Variants in CELF2 observed in about 807,000 individuals in gnomAD.
CELF2 encodes the protein CUGBP Elav-like family member 2, also known as CUG triplet repeat RNA-binding protein 2.
In CELF2, 8 loss-of-function variants were observed where a neutral mutation model predicts 62.6. The observed-to-expected ratio is 0.13, with a 90% CI of 0.07 to 0.23. The LOEUF (loss-of-function observed/expected upper bound fraction) is 0.23, where lower values mean the gene tolerates loss of function less well. Among genes scored for constraint, CELF2 ranks in the 10% least tolerant of loss-of-function variants. The pLI, the probability that CELF2 is intolerant of heterozygous loss-of-function variation, is 1.00. For missense variants in CELF2, 333 were observed against 671.0 expected (o/e 0.50, Z 5.56); for synonymous variants, 258 against 250.0 (o/e 1.03, Z -0.30).
chr10:10,827,479 A>C (rs1322441570), intron 1 of CELF2, among the ~76,000 whole-genome samples: 1 of 152,256 alleles, frequency 6.6e-6, no homozygotes, highest in Admixed American at 6.5e-5. Context: ...TGAAGAAAAA[A>C]GAGTTTAAAG....
At chr10:10,725,559 A>T in the CELF2 span, among the ~76,000 whole-genome samples, 3 of 152,200 alleles carry the variant, frequency 2.0e-5, no homozygotes, top group Admixed American at 6.5e-5. Context: ...TCTACCTTGG[A>T]TACAGCCTTC....
At chr10:10,468,305 C>G in the CELF2 span, among the ~76,000 whole-genome samples, 3 of 151,950 alleles carry the variant, frequency 2.0e-5, no homozygotes, top group Admixed American at 2.0e-4. Flanking sequence ...AAACTGTTGC[C>G]ATGACCTTTG....
At chr10:10,651,567 A>C in the CELF2 span, among the ~76,000 whole-genome samples, 1 of 135,530 alleles carries the variant, frequency 7.4e-6, no homozygotes, top group East Asian at 2.0e-4. Flanking sequence ...CTGACCCCTG[A>C]CCCCCGAGCA....
intron 1 of CELF2, among the ~76,000 whole-genome samples, chr10:10,912,272 C>T (rs7912669): frequency 0.053 from 8,124 of 152,206 alleles, 714 homozygotes; most frequent in African/African-American, 0.18. Context: ...CTTTCTACCC[C>T]GCTACCTTGC....
chr10:10,978,052 T>TC lies in CELF2; in HGVS notation c.89+58055dup, dbSNP rs2051581192. Among the ~76,000 whole-genome samples the TC allele has an allele frequency of 2.0e-5, 3 of 151,362 alleles. 1 individual carries two copies. The highest frequency in any genetic ancestry group is 2.0e-4 in the Admixed American group (3 of 15,194). Reference sequence around the variant, plus strand: ...TTTTTTTGTTTTTTGTTTTTTTTTTTCCAGAGAAAGATGGTTAACATTAGG... The same window carrying TC: ...TTTTTTTGTTTTTTGTTTTTTTTTTTCCCAGAGAAAGATGGTTAACATTAGG... On this transcript the variant is annotated intron_variant, in intron 2 of 13. Coordinates refer to the CELF2 transcript ENST00000636488.
the CELF2 span, among the ~76,000 whole-genome samples, chr10:10,673,546 T>C: frequency 6.6e-6 from 1 of 152,120 alleles, no homozygotes; most frequent in Non-Finnish European, 1.5e-5. Context: ...ACTTCTGTTC[T>C]AATTTTTATT....
At chr10:10,548,337 G>A in the CELF2 span, among the ~76,000 whole-genome samples, 1 of 152,318 alleles carries the variant, frequency 6.6e-6, no homozygotes, top group Middle Eastern at 3.4e-3. Context: ...ATTAGTCATA[G>A]TCTCAGCTTC....
chr10:10,664,082 C>T, the CELF2 span, among the ~76,000 whole-genome samples: 2 of 152,168 alleles, frequency 1.3e-5, no homozygotes, highest in East Asian at 1.9e-4. Flanking sequence ...CTATAAGCCT[C>T]TTCAAAACCT....
intron 2 of CELF2, among the ~76,000 whole-genome samples, chr10:10,981,913 T>C (rs190744577): frequency 2.6e-5 from 4 of 151,780 alleles, no homozygotes; most frequent in Middle Eastern, 3.4e-3. Context: ...CCTCCACTTG[T>C]AACTGCCTGG....
the CELF2 span, among the ~76,000 whole-genome samples, chr10:10,527,467 C>A: frequency 4.3e-5 from 6 of 139,862 alleles, 1 homozygote; most frequent in South Asian, 2.2e-4. Context: ...AAAAAAGTAA[C>A]CAGGCTATAG....
At chr10:11,198,715 G>C (rs893103591) in intron 2 of CELF2, among the ~76,000 whole-genome samples, 2 of 152,218 alleles carry the variant, frequency 1.3e-5, no homozygotes, top group Non-Finnish European at 2.9e-5. Flanking sequence ...TGGTCAAGTG[G>C]TTTGCTTCAG....
upstream of CELF2, among the ~76,000 whole-genome samples, chr10:11,002,420 A>G (rs1040198634): frequency 3.9e-5 from 6 of 152,196 alleles, no homozygotes; most frequent in Admixed American, 3.9e-4. The surrounding 1 kb of genome is among the most constrained non-coding windows in gnomAD (Gnocchi z 4.4). Flanking sequence ...CACATTAGGG[A>G]AGTGTAAGAT....
At chr10:10,986,599 T>C (rs1233155312) in intron 2 of CELF2, among the ~76,000 whole-genome samples, 1 of 152,258 alleles carries the variant, frequency 6.6e-6, no homozygotes, top group Non-Finnish European at 1.5e-5. Context: ...AGATGAAGTA[T>C]CTTTACATTG....
At chr10:11,257,942 A>T in intron 5 of CELF2, 70 bp downstream of exon 5, 1 of 1,577,528 alleles carries the variant, frequency 6.3e-7, no homozygotes, top group Non-Finnish European at 8.7e-7. Flanking sequence ...GTCGAGACAG[A>T]TGTAGGCACC....
Position 11,223,421 on chromosome 10 carries a change from G to A in CELF2, c.354+5914G>A, listed in dbSNP as rs2065496213. Among the ~76,000 whole-genome samples, 1 of 152,236 alleles carries A rather than the reference G, an allele frequency of 6.6e-6. No homozygotes were observed. The highest frequency in any genetic ancestry group is 2.1e-4 in the South Asian group (1 of 4,828). On this transcript the variant is annotated intron_variant, in intron 3 of 12. Transcript: ENST00000633077. This position sits in a 1 kb window ranked among gnomAD's most constrained non-coding sequence, Gnocchi z 5.1. ...AATGTGTCAGTCAGGACATCCATTT[G>A]GTGCAGATGCTTCAGATGTACATTT...
Position 11,188,137 on chromosome 10 carries a change from C to A in CELF2, c.271+22455C>A, listed in dbSNP as rs529241310. 5.6e-4 allele frequency among the ~76,000 whole-genome samples: 86 copies of A among 152,302 alleles called. No homozygotes were observed. The Middle Eastern group carries it at 0.01, about 18-fold the overall frequency. ...ATATATTTTTTGAGACTGAGTTTCGCTCTTGTTGCCCAGGTTGGAGTGCAG... is the reference window on the plus strand; with the variant it reads ...ATATATTTTTTGAGACTGAGTTTCGATCTTGTTGCCCAGGTTGGAGTGCAG... On this transcript the variant is annotated intron_variant, in intron 2 of 12. Coordinates refer to ENST00000633077, the MANE Select transcript of CELF2 (RefSeq NM_001326342.2).
intron 9 of CELF2, among the ~76,000 whole-genome samples, chr10:11,292,502 A>G (rs1328288674): frequency 6.6e-6 from 1 of 152,222 alleles, no homozygotes; most frequent in Non-Finnish European, 1.5e-5. Context: ...TTAGGCAAAG[A>G]GGTGTGATGC....
At chr10:10,944,727 G>A (rs969681883) in intron 2 of CELF2, among the ~76,000 whole-genome samples, 1 of 151,830 alleles carries the variant, frequency 6.6e-6, no homozygotes, top group African/African-American at 2.4e-5. Flanking sequence ...TCAGCCTCCC[G>A]AGTAGCTGGG....
Position 11,335,039 on chromosome 10 carries a change from C to A in CELF2, c.*5986C>A, listed in dbSNP as rs779722758. 1 of 152,294 alleles carries A rather than the reference C, an allele frequency of 6.6e-6. No homozygotes were observed. The highest frequency in any genetic ancestry group is 2.4e-5 in the African/African-American group (1 of 41,552). 9.4% of individuals were successfully genotyped at this position (152,294 alleles called of 1,614,324 possible). On this transcript the variant is annotated 3_prime_UTR_variant, in exon 13 of 13. Transcript: ENST00000633077. The surrounding 1 kb of genome is among the most constrained non-coding windows in gnomAD (Gnocchi z 5.0). Reference sequence around the variant, plus strand: ...GCTCAAATGGAAGCTGTACTCAGTCCGGTGGAGGCAGGGGGAGGTAAAGTT... The same window carrying A: ...GCTCAAATGGAAGCTGTACTCAGTCAGGTGGAGGCAGGGGGAGGTAAAGTT...
Sources: allele counts gnomAD v4.1 joint callset (sites outside exome capture counted in the v4.1 genomes callset), GRCh38; gene constraint gnomAD v4.1.1; non-coding constraint Gnocchi (gnomAD v3.1); transcripts MANE v1.5; gene names NCBI Gene and HGNC (gene_info 2026-07-23, HGNC 2026-07-21).